The following ZNRF3 variants were observed in gnomAD, a reference collection of about 807,000 sequenced individuals.
ZNRF3 encodes zinc and ring finger 3.
Under a neutral mutation model 72.5 loss-of-function variants are expected in ZNRF3, and 23 were observed. The ratio of observed to expected loss-of-function variants is 0.32; its 90% CI spans 0.23 to 0.45. The LOEUF is 0.45. Among genes scored for constraint, ZNRF3 ranks in the 20% least tolerant of loss-of-function variants. ZNRF3 has a pLI of 1.00. For synonymous variants in ZNRF3, 610 were observed against 545.3 expected (o/e 1.12, Z -1.65); for missense variants, 1,169 against 1,272.1 (o/e 0.92, Z 1.23).
intron 1 of ZNRF3, among the ~76,000 whole-genome samples, chr22:28,952,495 G>T (rs868541766): frequency 7.8e-5 from 11 of 141,826 alleles, no homozygotes; most frequent in African/African-American, 1.6e-4. Context: ...TCATTTCCAT[G>T]TTTTTTTTTT....
At chr22:28,888,397 C>G (rs758706558) in intron 1 of ZNRF3, among the ~76,000 whole-genome samples, 19 of 152,214 alleles carry the variant, frequency 1.2e-4, no homozygotes, top group Non-Finnish European at 2.5e-4. Flanking sequence ...TGTGTGCTGA[C>G]AGCTGACCTG....
chr22:28,928,687 G>A (rs1601568859), intron 1 of ZNRF3, among the ~76,000 whole-genome samples: 3 of 151,444 alleles, frequency 2.0e-5, no homozygotes, highest in Admixed American at 6.6e-5. Context: ...TAGTAGAGAC[G>A]GGGTTTCACC....
At chr22:28,887,875 G>A (rs1261857693) in intron 1 of ZNRF3, among the ~76,000 whole-genome samples, 1 of 152,198 alleles carries the variant, frequency 6.6e-6, no homozygotes, top group Admixed American at 6.5e-5. Context: ...ATAAAGGCCC[G>A]ATTAAACACC....
chr22:28,884,189 C>G (rs977589295), intron 1 of ZNRF3, 123 bp downstream of exon 1: 29 of 758,118 alleles, frequency 3.8e-5, no homozygotes, highest in African/African-American at 9.5e-5. Flanking sequence ...GCCGAGAGGC[C>G]GGCGGCATCC....
intron 1 of ZNRF3, among the ~76,000 whole-genome samples, chr22:28,899,115 C>T (rs1360723170): frequency 6.6e-6 from 1 of 151,756 alleles, no homozygotes; most frequent in Admixed American, 6.6e-5. Flanking sequence ...TAAATGTCAC[C>T]CTCATCCTAG....
chr22:29,026,078 A>G (rs1480002452), intron 2 of ZNRF3: 1 of 152,176 alleles, frequency 6.6e-6, no homozygotes, highest in African/African-American at 2.4e-5. Flanking sequence ...TGTGATGACT[A>G]TTTATTGAGT....
chr22:28,967,026 C>G (rs2035479557), intron 1 of ZNRF3, among the ~76,000 whole-genome samples: 1 of 151,784 alleles, frequency 6.6e-6, no homozygotes, highest in African/African-American at 2.4e-5. Context: ...ATTACAGGTG[C>G]CTGTCACCAC....
Position 29,049,665 on chromosome 22 carries a change from C to T in ZNRF3, c.1484C>T (p.Pro495Leu), listed in dbSNP as rs752395494. The T allele has an allele frequency of 8.1e-6, 13 of 1,608,946 alleles. No individual in the cohort carries two copies. The highest frequency in any genetic ancestry group is 2.2e-5 in the East Asian group (1 of 44,844). ...CCACCTAGCCTCGCACCCCGGGGCC[C>T]GGCCCGTGCCTTTCCTCCGAGCGGC... The part of the protein sequence containing the change: ...QSPPSLAPRG[P>L]ARAFPPSGSG... Residue 495 changes from proline to leucine, a missense_variant, in exon 8 of 9, where the codon CCG (proline) becomes CTG (leucine). Physicochemically the swap from Pro to Leu is moderately conservative, Grantham distance 98 (BLOSUM62 -3). Around this residue, in one of 2 missense-constraint regions of ZNRF3, gnomAD observed 783 missense variants for 731.4 expected, o/e 1.07. Transcript: ENST00000544604. This position sits in a 1 kb window ranked among gnomAD's most constrained non-coding sequence, Gnocchi z 5.2.
rs2036987423 is a variant in ZNRF3, at chr22:29,042,711, A to G, written c.501+142A>G. ...TGAAGTTAGGTGTCCATGTTTGGACATAATTCCCAAAGGAGGTATACTGGG... is the reference window on the plus strand; with the variant it reads ...TGAAGTTAGGTGTCCATGTTTGGACGTAATTCCCAAAGGAGGTATACTGGG... On this transcript the variant is annotated intron_variant, in intron 3 of 8. Coordinates refer to ENST00000544604, the MANE Select transcript of ZNRF3 (RefSeq NM_001206998.2). 12 of 755,028 alleles carry G rather than the reference A, an allele frequency of 1.6e-5. No homozygotes were observed. The South Asian group carries it at 1.8e-4, about 11-fold the overall frequency. 46.8% of individuals were successfully genotyped at this position (755,028 alleles called of 1,614,324 possible). A position where few individuals can be genotyped will look rare whatever the true frequency, so the allele number is the denominator to read the frequency against.
intron 1 of ZNRF3, among the ~76,000 whole-genome samples, chr22:28,962,980 A>G (rs540180394): frequency 1.4e-4 from 22 of 152,228 alleles, no homozygotes; most frequent in Non-Finnish European, 1.9e-4. Context: ...TGACTTCACC[A>G]TATACATGGC....
chr22:29,012,908 T>C (rs1157941301), intron 2 of ZNRF3, among the ~76,000 whole-genome samples: 1 of 152,200 alleles, frequency 6.6e-6, no homozygotes, highest in East Asian at 1.9e-4. Context: ...GGGAAGGGGC[T>C]AAGCTACAGA....
rs898677472 is a variant in ZNRF3, at chr22:29,040,164, G to A, written c.427-2331G>A. On this transcript the variant is annotated intron_variant, in intron 2 of 8. Transcript: ENST00000544604. ...GGACTCTAGTCATAATAACATAGGCGGCCTCCCTGCACCCCCTCCCCCTTT... is the reference window on the plus strand; with the variant it reads ...GGACTCTAGTCATAATAACATAGGCAGCCTCCCTGCACCCCCTCCCCCTTT... 6.6e-5 allele frequency among the ~76,000 whole-genome samples: 10 copies of A among 151,766 alleles called. No homozygotes were observed. In the East Asian group the frequency reaches 7.7e-4, roughly 12 times the overall value.
At chr22:28,975,457 G>A (rs1042068245) in intron 1 of ZNRF3, among the ~76,000 whole-genome samples, 2 of 142,168 alleles carry the variant, frequency 1.4e-5, no homozygotes, top group African/African-American at 2.6e-5. Flanking sequence ...AGCCGAGATC[G>A]AGATCGGGCC....
At chr22:28,927,573 T>A (rs1005053872) in intron 1 of ZNRF3, among the ~76,000 whole-genome samples, 42 of 152,200 alleles carry the variant, frequency 2.8e-4, no homozygotes, top group African/African-American at 9.7e-4. Flanking sequence ...CAAAACAAAT[T>A]AATATGTGAT....
chr22:28,895,989 C>T (rs950840369), intron 1 of ZNRF3, among the ~76,000 whole-genome samples: 8 of 152,090 alleles, frequency 5.3e-5, no homozygotes, highest in African/African-American at 1.2e-4. Flanking sequence ...CTTGCTCTGT[C>T]GGCCAGGCTG....
chr22:28,966,892 G>C (rs1219070635), intron 1 of ZNRF3, among the ~76,000 whole-genome samples: 1 of 96,494 alleles, frequency 1.0e-5, no homozygotes, highest in Admixed American at 1.1e-4. Flanking sequence ...TTTTTTTTGA[G>C]ATGGAGTCTC....
chr22:28,893,091 C>T (rs916544609), intron 1 of ZNRF3, among the ~76,000 whole-genome samples: 24 of 151,696 alleles, frequency 1.6e-4, no homozygotes, highest in African/African-American at 2.2e-4. Context: ...GGTGTGAACC[C>T]GGCAGGTGGA....
In ZNRF3 at chr22:29,030,950, G is replaced by A. The variant is rs1304692652; in HGVS notation, c.427-11545G>A. 1.3e-5 allele frequency: 2 copies of A among 152,462 alleles called. No individual in the cohort carries two copies. Among genetic ancestry groups the A allele is most frequent in the Admixed American group, 6.5e-5 (1 of 15,286 alleles). The allele number at this position is 152,462 out of a possible 1,614,324, so 9.4% of individuals were successfully genotyped here. A position where few individuals can be genotyped will look rare whatever the true frequency, so the allele number is the denominator to read the frequency against. On this transcript the variant is annotated intron_variant, in intron 2 of 8. Transcript: ENST00000544604. The surrounding 1 kb of genome is among the most constrained non-coding windows in gnomAD (Gnocchi z 4.2). ...GGCTGCAGCCAAGCCCTGGAGCGAG[G>A]AGCCGGCGGGTGGAGCTGGCAGCAC...
intron 1 of ZNRF3, among the ~76,000 whole-genome samples, chr22:28,931,659 A>G (rs1333667023): frequency 6.6e-6 from 1 of 152,122 alleles, no homozygotes; most frequent in Non-Finnish European, 1.5e-5. Flanking sequence ...CCACACACCC[A>G]TCTGTCCACC....
Sources: allele counts gnomAD v4.1 joint callset (sites outside exome capture counted in the v4.1 genomes callset), GRCh38; gene constraint gnomAD v4.1.1; regional missense constraint gnomAD v4.1.1; non-coding constraint Gnocchi (gnomAD v3.1); transcripts MANE v1.5; gene names NCBI Gene and HGNC (gene_info 2026-07-23, HGNC 2026-07-21).